CORO2B: variants seen among roughly 807,000 people sequenced by gnomAD.
The protein encoded by CORO2B is coronin 2B.
A neutral mutation model predicts 58.8 loss-of-function variants in CORO2B; 26 were observed. That is an observed-to-expected ratio of 0.44 (90% CI 0.32 to 0.61). CORO2B has a LOEUF of 0.61. CORO2B is among the 20% of genes least tolerant of loss of function. CORO2B has a pLI of 0.04. For missense variants in CORO2B, 460 were observed against 645.1 expected, an observed-to-expected ratio of 0.71 and a Z score of 3.11; for synonymous variants, 242 against 253.8, an observed-to-expected ratio of 0.95 and a Z score of 0.44.
chr15:68,577,893 C>T (rs1453740172), upstream of CORO2B, among the ~76,000 whole-genome samples: 1 of 152,294 alleles, frequency 6.6e-6, no homozygotes, highest in East Asian at 1.9e-4. Context: ...TCATATATGA[C>T]GTTGCCTTCG....
At chr15:68,575,768 G>C (rs1899272686), upstream of CORO2B, among the ~76,000 whole-genome samples, 1 of 152,018 alleles carries the variant, frequency 6.6e-6, no homozygotes, top group African/African-American at 2.4e-5. Flanking sequence ...ACCTCTCTCA[G>C]GCTTTGCTTT....
At chr15:68,527,610 C>T in the CORO2B span, among the ~76,000 whole-genome samples, 1 of 152,284 alleles carries the variant, frequency 6.6e-6, no homozygotes, top group East Asian at 1.9e-4. Context: ...ATAAGTCCTC[C>T]AACTTTGTTT....
intron 3 of CORO2B, among the ~76,000 whole-genome samples, chr15:68,701,320 T>A (rs945149317): frequency 6.7e-6 from 1 of 148,722 alleles, no homozygotes; most frequent in Admixed American, 6.6e-5. Context: ...CTTTTTTTTC[T>A]TTTTTTTGAG....
intron 2 of CORO2B, among the ~76,000 whole-genome samples, chr15:68,656,795 G>C (rs1180998154): frequency 6.6e-6 from 1 of 152,194 alleles, no homozygotes; most frequent in African/African-American, 2.4e-5. Context: ...CTGTGCCTCA[G>C]TTTCCTTCGC....
intron 2 of CORO2B, among the ~76,000 whole-genome samples, chr15:68,659,462 C>G (rs1353143715): frequency 1.3e-5 from 2 of 152,204 alleles, no homozygotes; most frequent in Non-Finnish European, 2.9e-5. Flanking sequence ...CCTGTAATCC[C>G]AGCACATTGG....
chr15:68,561,257 C>G, the CORO2B span, among the ~76,000 whole-genome samples: 1 of 152,136 alleles, frequency 6.6e-6, no homozygotes. Context: ...CCTGCATATG[C>G]CACGCTGGGC....
At chr15:68,559,666 C>T in the CORO2B span, 1 of 984,098 alleles carries the variant, frequency 1.0e-6, no homozygotes, top group African/African-American at 1.7e-5. The surrounding 1 kb of genome is among the most constrained non-coding windows in gnomAD (Gnocchi z 4.3). Context: ...GTCTGGGCCT[C>T]CGTTTCCGGT....
the CORO2B span, among the ~76,000 whole-genome samples, chr15:68,519,865 T>C: frequency 6.6e-6 from 1 of 152,238 alleles, no homozygotes; most frequent in Middle Eastern, 3.2e-3. Context: ...TTGAGATAAA[T>C]ATTAGATAAA....
At chr15:68,666,509 G>A (rs1266220157) in intron 2 of CORO2B, among the ~76,000 whole-genome samples, 1 of 152,182 alleles carries the variant, frequency 6.6e-6, no homozygotes, top group East Asian at 1.9e-4. Context: ...CAGCTGGCGG[G>A]AATTTCCTTT....
At chr15:68,668,271 A>G (rs889802511) in intron 2 of CORO2B, among the ~76,000 whole-genome samples, 5 of 144,044 alleles carry the variant, frequency 3.5e-5, no homozygotes, top group African/African-American at 1.2e-4. Flanking sequence ...GGCATGGCCC[A>G]GGGCTGGGGA....
intron 5 of CORO2B, among the ~76,000 whole-genome samples, chr15:68,713,498 C>T (rs560614841): frequency 1.2e-4 from 18 of 152,354 alleles, no homozygotes; most frequent in African/African-American, 4.3e-4. Flanking sequence ...TGTATTCTCT[C>T]ACCATTCCAG....
chr15:68,632,208 C>T (rs1900858166), intron 1 of CORO2B: 13 of 985,512 alleles, frequency 1.3e-5, no homozygotes, highest in Non-Finnish European at 1.6e-5. Context: ...GGGCGCTATT[C>T]ATCCACACGG....
At chr15:68,624,431 C>T (rs1566988332) in intron 1 of CORO2B, among the ~76,000 whole-genome samples, 1 of 152,132 alleles carries the variant, frequency 6.6e-6, no homozygotes, top group Admixed American at 6.5e-5. Context: ...GCACGACTAC[C>T]AACACAAATA....
In CORO2B at chr15:68,718,717, G is replaced by T. The variant is rs774089074; in HGVS notation, c.987G>T (p.Gly329=). ...TTACAGGGGTCATGCCCAAGCACGG[G>T]CTGGATGTGTCAGCCTGCGAGGTGT... The part of the protein sequence containing the change: ...QKGLGVMPKH[G]LDVSACEVFR... The change falls in exon 9 of 12, where the codon GGG becomes GGT. Residue 329 remains glycine (G), a synonymous_variant. Transcript: ENST00000261861. 6.2e-7 allele frequency: 1 copy of T among 1,614,046 alleles called. No individual in the cohort carries two copies. Among genetic ancestry groups the T allele is most frequent in the African/African-American group, 1.3e-5 (1 of 74,948 alleles).
intron 1 of CORO2B, among the ~76,000 whole-genome samples, chr15:68,610,821 A>G (rs1900230407): frequency 6.6e-6 from 1 of 152,242 alleles, no homozygotes; most frequent in Admixed American, 6.5e-5. Flanking sequence ...GAAACAGAGC[A>G]TCAGCGTGGA....
chr15:68,549,238 G>A, the CORO2B span, among the ~76,000 whole-genome samples: 11 of 152,296 alleles, frequency 7.2e-5, no homozygotes, highest in African/African-American at 2.6e-4. Flanking sequence ...GCCATTTACA[G>A]TAAAACTGCA....
At chr15:68,705,444 A>C (rs1351330306) in intron 3 of CORO2B, among the ~76,000 whole-genome samples, 3 of 151,568 alleles carry the variant, frequency 2.0e-5, no homozygotes, top group African/African-American at 7.3e-5. Flanking sequence ...CTCAAAAAAA[A>C]AAAAAAAAAA....
intron 1 of CORO2B, among the ~76,000 whole-genome samples, chr15:68,600,691 A>G (rs1277551534): frequency 6.6e-6 from 1 of 152,200 alleles, no homozygotes; most frequent in Admixed American, 6.5e-5. Context: ...TCTAAGGAAG[A>G]GGGAATGCCC....
chr15:68,628,252 C>T (rs1900734982), intron 1 of CORO2B, among the ~76,000 whole-genome samples: 2 of 152,200 alleles, frequency 1.3e-5, no homozygotes, highest in East Asian at 1.9e-4. Context: ...CCCCATAGCC[C>T]AGTTAAGCAC....
Sources: allele counts gnomAD v4.1 joint callset (sites outside exome capture counted in the v4.1 genomes callset), GRCh38; gene constraint gnomAD v4.1.1; non-coding constraint Gnocchi (gnomAD v3.1); transcripts MANE v1.5; gene names NCBI Gene and HGNC (gene_info 2026-07-23, HGNC 2026-07-21).